The following ABRAXAS1 variants were observed in gnomAD, a reference collection of about 807,000 sequenced individuals.
The protein encoded by ABRAXAS1 is BRCA1-A complex subunit Abraxas 1.
In ABRAXAS1, 26 loss-of-function variants were observed where a neutral mutation model predicts 38.4. That is an observed-to-expected ratio of 0.68 (90% CI 0.50 to 0.94). ABRAXAS1 has a LOEUF of 0.94. Ranked by LOEUF, ABRAXAS1 falls within the 40% of genes least tolerant of loss-of-function variation. ABRAXAS1 has a pLI of 0.00. For missense variants in ABRAXAS1, 438 were observed against 481.9 expected (o/e 0.91, Z 0.85); for synonymous variants, 144 against 165.5 (o/e 0.87, Z 1.00).
rs752577070 is a variant in ABRAXAS1 at position 83,460,888 on chromosome 4, A to G, written c.*1581T>C. On this transcript the variant is annotated 3_prime_UTR_variant, in exon 9 of 9. Transcript: ENST00000321945. The stretch of plus-strand genomic sequence containing the variant: ...ACCACTGTACTCCAGCCTGGGTGAC[A>G]CAGGGAGACTCCATCTCAAAAAAAA... The G allele has an allele frequency of 7.2e-5, 83 of 1,152,360 alleles. No individual in the cohort carries two copies. The highest frequency in any genetic ancestry group is 1.0e-4 in the Non-Finnish European group (80 of 791,544). The allele number at this position is 1,152,360 out of a possible 1,614,324, so 71.4% of individuals were successfully genotyped here.
rs370019011 is a variant in ABRAXAS1, at chr4:83,463,622, T to C, written c.682-14A>G. The stretch of plus-strand genomic sequence containing the variant: ...TTTGCATATACTCTGCAAAATAAAG[T>C]AATTTAAGGGCATAGGTAATATTTC... On this transcript the variant is annotated splice_polypyrimidine_tract_variant and intron_variant, in intron 7 of 8. Transcript: ENST00000321945. The C allele has an allele frequency of 1.9e-5, 27 of 1,459,130 alleles. No individual in the cohort carries two copies. Among genetic ancestry groups the C allele is most frequent in the Non-Finnish European group, 2.9e-6 (3 of 1,048,276 alleles). The allele number at this position is 1,459,130 out of a possible 1,614,324, so 90.4% of individuals were successfully genotyped here.
rs1260049008 is a variant in ABRAXAS1, at chr4:83,459,650, TA to T, written c.*2818del. 8.8e-7 allele frequency: 1 copy of T among 1,132,656 alleles called. No homozygotes were observed. Among genetic ancestry groups the T allele is most frequent in the Non-Finnish European group, 1.3e-6 (1 of 769,082 alleles). The allele number at this position is 1,132,656 out of a possible 1,614,324, so 70.2% of individuals were successfully genotyped here. A position where few individuals can be genotyped will look rare whatever the true frequency, so the allele number is the denominator to read the frequency against. On this transcript the variant is annotated 3_prime_UTR_variant, in exon 9 of 9. Coordinates refer to ENST00000321945, the MANE Select transcript of ABRAXAS1 (RefSeq NM_139076.3). ...GTGTCTGAAATTTAGTAAAGCTTTA[TA>T]TAACCTGAAGGTTGTTTTTTGAAAT...
intron 4 of ABRAXAS1, among the ~76,000 whole-genome samples, chr4:83,471,053 G>A (rs932508350): frequency 6.6e-6 from 1 of 151,942 alleles, no homozygotes; most frequent in East Asian, 1.9e-4. Flanking sequence ...TTATATATTT[G>A]CACATTTGAA....
intron 1 of ABRAXAS1, chr4:83,484,773 G>T: frequency 2.3e-6 from 1 of 436,344 alleles, no homozygotes; most frequent in Non-Finnish European, 4.1e-6. Flanking sequence ...AATAACGGAG[G>T]ATAGCAGAGG....
At chr4:83,474,486 G>A (rs1193753033) in intron 3 of ABRAXAS1, among the ~76,000 whole-genome samples, 1 of 152,006 alleles carries the variant, frequency 6.6e-6, no homozygotes, top group Non-Finnish European at 1.5e-5. Context: ...GGCCACAGTG[G>A]GTGGATCACG....
chr4:83,480,536 T>G (rs1430988319), intron 2 of ABRAXAS1, among the ~76,000 whole-genome samples: 2 of 152,230 alleles, frequency 1.3e-5, no homozygotes, highest in Admixed American at 1.3e-4. Flanking sequence ...TATATTTCTA[T>G]TTTTAAACTT....
Position 83,459,739 on chromosome 4 carries a change from G to A in ABRAXAS1, c.*2730C>T, listed in dbSNP as rs763890388. 15 of 1,608,194 alleles carry A rather than the reference G, an allele frequency of 9.3e-6. No individual in the cohort carries two copies. The highest frequency in any genetic ancestry group is 1.3e-5 in the Non-Finnish European group (15 of 1,177,354). ...CCCCTCCACATAAAACTCCAAAACA[G>A]CTTTTGTCCCAGTTTGTTTCTCCAT... On this transcript the variant is annotated 3_prime_UTR_variant, in exon 9 of 9. Transcript: ENST00000321945.
In ABRAXAS1 at chr4:83,483,440, C is replaced by T. The variant is rs74692023; in HGVS notation, c.88-1196G>A. The stretch of plus-strand genomic sequence containing the variant: ...GGTCTACAGGCACGTGCCACCACGC[C>T]GGGCTAATTTTTAAAATTTTTTTGT... On this transcript the variant is annotated intron_variant, in intron 1 of 8. Transcript: ENST00000321945. 0.023 allele frequency among the ~76,000 whole-genome samples: 3,496 copies of T among 152,082 alleles called. 288 individuals are homozygous for T. In the East Asian group the frequency reaches 0.29, roughly 13 times the overall value.
chr4:83,483,722 AG>A (rs1356195403), intron 1 of ABRAXAS1, among the ~76,000 whole-genome samples: 2 of 152,218 alleles, frequency 1.3e-5, no homozygotes, highest in East Asian at 1.9e-4. Context: ...GAAGGGAAGC[AG>A]GGGGGCAATG....
intron 8 of ABRAXAS1, 56 bp downstream of exon 8, chr4:83,463,434 AAAAT>A (rs898534185): frequency 1.7e-4 from 218 of 1,285,708 alleles, no homozygotes; most frequent in African/African-American, 2.7e-4. Context: ...CTCCGTCTCA[AAAAT>A]AAATAAATAA....
intron 2 of ABRAXAS1, chr4:83,477,679 C>A (rs1328021235): frequency 3.5e-6 from 2 of 570,032 alleles, no homozygotes; most frequent in Non-Finnish European, 6.9e-6. Context: ...GCATTGATGT[C>A]CGTTTCAAAG....
chr4:83,461,150 G>A lies in ABRAXAS1; in HGVS notation c.*1319C>T. The A allele has an allele frequency of 3.7e-6, 6 of 1,613,288 alleles. No homozygotes were observed. The highest frequency in any genetic ancestry group is 4.2e-6 in the Non-Finnish European group (5 of 1,179,782). On this transcript the variant is annotated 3_prime_UTR_variant, in exon 9 of 9. Transcript: ENST00000321945. ...TATGCCAGTTACATACAAGGATCCT[G>A]CATATCTCAAGGACCCTAAAGTTTG...
intron 6 of ABRAXAS1, among the ~76,000 whole-genome samples, 169 bp from the exon 7 acceptor site, chr4:83,467,707 T>C (rs920097763): frequency 6.6e-6 from 1 of 152,184 alleles, no homozygotes; most frequent in Non-Finnish European, 1.5e-5. Flanking sequence ...CAAAACCTAC[T>C]TCATTGATCT....
chr4:83,472,692 T>A (rs1722626758), intron 3 of ABRAXAS1, among the ~76,000 whole-genome samples: 1 of 152,136 alleles, frequency 6.6e-6, no homozygotes, highest in African/African-American at 2.4e-5. Context: ...TGAAGCACAA[T>A]AACAAAAAGA....
Position 83,461,810 on chromosome 4 carries a change from A to G in ABRAXAS1, c.*659T>C, listed in dbSNP as rs1232947151. 2 of 228,796 alleles carry G rather than the reference A, an allele frequency of 8.7e-6. No individual in the cohort carries two copies. Among genetic ancestry groups the G allele is most frequent in the African/African-American group, 4.4e-5 (2 of 45,098 alleles). The allele number at this position is 228,796 out of a possible 1,614,324, so 14.2% of individuals were successfully genotyped here. A position where few individuals can be genotyped will look rare whatever the true frequency, so the allele number is the denominator to read the frequency against. ...CAAAGGACTCTAAACTAGGGGAGAG[A>G]TTACTGTTTGTGTTGTGTTATAGTT... On this transcript the variant is annotated 3_prime_UTR_variant, in exon 9 of 9. Transcript: ENST00000321945.
intron 7 of ABRAXAS1, among the ~76,000 whole-genome samples, chr4:83,465,007 A>G (rs1367222966): frequency 1.4e-4 from 21 of 152,218 alleles, no homozygotes; most frequent in Admixed American, 1.4e-3. Flanking sequence ...GCCATTAAAA[A>G]TAAAGAGGCC....
At chr4:83,478,394 A>C in intron 2 of ABRAXAS1, 1 of 553,934 alleles carries the variant, frequency 1.8e-6, no homozygotes, top group Non-Finnish European at 3.6e-6. Flanking sequence ...TTTAAATTAC[A>C]TATGAGTAGC....
rs35072866 is a variant in ABRAXAS1, at chr4:83,465,299, C to CAAAAAAAAAAA, written c.682-1702_682-1692dup. 8.6e-4 allele frequency among the ~76,000 whole-genome samples: 76 copies of CAAAAAAAAAAA among 88,166 alleles called. 1 individual carries two copies. The highest frequency in any genetic ancestry group is 1.9e-3 in the East Asian group (4 of 2,128). The allele number at this position is 88,166 out of a possible 152,430, so 57.8% of individuals were successfully genotyped here. A position where few individuals can be genotyped will look rare whatever the true frequency, so the allele number is the denominator to read the frequency against. On this transcript the variant is annotated intron_variant, in intron 7 of 8. Transcript: ENST00000321945. ...CAGGCGACACACTGAGACTCTGTCT[C>CAAAAAAAAAAA]AAAAAAAAAAAAAAAAAAAAGAAGA...
rs1723020667 is a variant in ABRAXAS1, at chr4:83,482,202, T to C, written c.130A>G (p.Ser44Gly). ...LGEVKGEAKN[S>G]ITDSQMDDVE... ...TCATCCATTTGGGAATCAGTAATGC[T>C]GTTCTTGGCTTCACCTTTTACTTCC... The change falls in exon 2 of 9, where the codon AGC becomes GGC. Residue 44 changes from serine (S) to glycine (G), a missense_variant. This residue lies in a region of ABRAXAS1 where 194 missense variants were observed against 269.0 expected (regional missense o/e 0.72). Transcript: ENST00000321945. 6.2e-7 allele frequency: 1 copy of C among 1,612,688 alleles called. No individual in the cohort carries two copies. The highest frequency in any genetic ancestry group is 8.5e-7 in the Non-Finnish European group (1 of 1,179,582).
Sources: gnomAD v4.1 joint callset for allele counts (sites outside exome capture counted in the v4.1 genomes callset) on GRCh38, gnomAD v4.1.1 for gene constraint, gnomAD v4.1.1 regional missense constraint, MANE v1.5 for transcripts, NCBI Gene and HGNC (gene_info 2026-07-23, HGNC 2026-07-21) for gene names.